Variants in PRKG1 observed in about 807,000 individuals in gnomAD.
PRKG1 encodes cGMP-dependent protein kinase 1.
In PRKG1, 35 loss-of-function variants were observed where a neutral mutation model predicts 88.1. The ratio of observed to expected loss-of-function variants is 0.40; its 90% CI spans 0.30 to 0.53. PRKG1 has a LOEUF of 0.53. Ranked by LOEUF, PRKG1 falls within the 20% of genes least tolerant of loss-of-function variation. The pLI, the probability that PRKG1 is intolerant of heterozygous loss-of-function variation, is 0.59. For synonymous variants in PRKG1, 303 were observed against 292.5 expected, an observed-to-expected ratio of 1.04 and a Z score of -0.37; for missense variants, 540 against 839.8, an observed-to-expected ratio of 0.64 and a Z score of 4.41.
intron 9 of PRKG1, among the ~76,000 whole-genome samples, chr10:52,207,509 A>C (rs1839851648): frequency 6.6e-6 from 1 of 152,166 alleles, no homozygotes; most frequent in Non-Finnish European, 1.5e-5. Context: ...CCAAAGGCTA[A>C]TGCCACCTAG....
intron 5 of PRKG1, among the ~76,000 whole-genome samples, chr10:51,971,941 C>T (rs143969281): frequency 2.6e-5 from 4 of 152,206 alleles, no homozygotes; most frequent in East Asian, 1.9e-4. Context: ...CTAGATATAA[C>T]GCATTTTACC....
At chr10:52,283,105 G>T (rs1330388444) in intron 14 of PRKG1, among the ~76,000 whole-genome samples, 1 of 152,078 alleles carries the variant, frequency 6.6e-6, no homozygotes, top group Non-Finnish European at 1.5e-5. Context: ...TGACGATCAT[G>T]ATTGCTGCAC....
intron 3 of PRKG1, among the ~76,000 whole-genome samples, chr10:51,711,723 A>G (rs960889143): frequency 1.3e-5 from 2 of 152,164 alleles, no homozygotes; most frequent in African/African-American, 4.8e-5. Flanking sequence ...GGAAGCTGTC[A>G]GTGATTGTGG....
chr10:52,254,930 A>G (rs1449245503), intron 10 of PRKG1, among the ~76,000 whole-genome samples: 1 of 152,086 alleles, frequency 6.6e-6, no homozygotes, highest in Non-Finnish European at 1.5e-5. Context: ...CATAACTGAC[A>G]TTCACTTGTT....
At chr10:50,995,558 T>G (rs544598939) in intron 1 of PRKG1, among the ~76,000 whole-genome samples, 1 of 152,352 alleles carries the variant, frequency 6.6e-6, no homozygotes, top group Admixed American at 6.5e-5. Context: ...ACTGTTTTTC[T>G]GCCAAAGAAC....
In PRKG1 at chr10:52,294,020, G is replaced by C; in HGVS notation, c.*120G>C. On this transcript the variant is annotated 3_prime_UTR_variant, in exon 18 of 18. Coordinates refer to ENST00000373980, the MANE Select transcript of PRKG1 (RefSeq NM_006258.4). Reference sequence around the variant, plus strand: ...CGGGGTCACCATGATGCCTTTGATCGATGCTGCTCCAGTAACTACAGTGGC... The same window carrying C: ...CGGGGTCACCATGATGCCTTTGATCCATGCTGCTCCAGTAACTACAGTGGC... 1 of 734,118 alleles carries C rather than the reference G, an allele frequency of 1.4e-6. No homozygotes were observed. The allele number at this position is 734,118 out of a possible 1,614,324, so 45.5% of individuals were successfully genotyped here.
Position 50,991,316 on chromosome 10 carries a change from C to T in PRKG1, c.-63C>T, listed in dbSNP as rs1274274263. 1 of 856,978 alleles carries T rather than the reference C, an allele frequency of 1.2e-6. No homozygotes were observed. Among genetic ancestry groups the T allele is most frequent in the Non-Finnish European group, 1.6e-6 (1 of 635,598 alleles). The allele number at this position is 856,978 out of a possible 1,614,324, so 53.1% of individuals were successfully genotyped here. On this transcript the variant is annotated 5_prime_UTR_variant, in exon 1 of 18. Transcript: ENST00000401604. The surrounding 1 kb of genome is among the most constrained non-coding windows in gnomAD (Gnocchi z 4.5). Reference sequence around the variant, plus strand: ...CGCTGCCGGCTGCCGTCCCAGCCGCCGCCGCCGCCGCCGCCGCCGCCGCCG... The same window carrying T: ...CGCTGCCGGCTGCCGTCCCAGCCGCTGCCGCCGCCGCCGCCGCCGCCGCCG...
At chr10:51,442,232 T>C (rs1453250940) in intron 2 of PRKG1, among the ~76,000 whole-genome samples, 5 of 152,028 alleles carry the variant, frequency 3.3e-5, no homozygotes, top group Non-Finnish European at 7.4e-5. Context: ...ACAATTCTTA[T>C]TTAAGTGCTG....
intron 3 of PRKG1, among the ~76,000 whole-genome samples, chr10:51,754,100 T>G (rs1413699017): frequency 6.6e-6 from 1 of 152,142 alleles, no homozygotes; most frequent in East Asian, 1.9e-4. Flanking sequence ...TGTGGCTGAT[T>G]GACTTTTCTC....
At chr10:51,011,190 A>T (rs558358039) in intron 1 of PRKG1, among the ~76,000 whole-genome samples, 376 of 151,960 alleles carry the variant, frequency 2.5e-3, no homozygotes, top group Non-Finnish European at 4.3e-3. Flanking sequence ...TCAGAGAATT[A>T]TTTGTTGTGT....
At chr10:51,708,959 A>G (rs541538113) in intron 3 of PRKG1, among the ~76,000 whole-genome samples, 2 of 152,270 alleles carry the variant, frequency 1.3e-5, no homozygotes, top group African/African-American at 4.8e-5. Context: ...TTCCAAAAAT[A>G]CTTTGGTGAC....
At chr10:52,188,306 A>G (rs1214853393) in intron 9 of PRKG1, among the ~76,000 whole-genome samples, 14 of 120,730 alleles carry the variant, frequency 1.2e-4, no homozygotes, top group Non-Finnish European at 1.6e-4. Context: ...ATATATGTAT[A>G]TATATACATA....
intron 3 of PRKG1, among the ~76,000 whole-genome samples, chr10:51,768,277 C>T (rs1031072145): frequency 1.3e-5 from 2 of 152,046 alleles, no homozygotes; most frequent in African/African-American, 4.8e-5. Flanking sequence ...ATTTTTATAT[C>T]AGGTTTTTCA....
chr10:52,210,622 AT>A (rs1183392489), intron 9 of PRKG1, among the ~76,000 whole-genome samples: 1 of 152,214 alleles, frequency 6.6e-6, no homozygotes, highest in African/African-American at 2.4e-5. Context: ...TTGGTCTTCT[AT>A]AAACATTTAT....
chr10:51,134,106 A>G (rs996879378), intron 1 of PRKG1, among the ~76,000 whole-genome samples: 2 of 152,232 alleles, frequency 1.3e-5, no homozygotes, highest in Admixed American at 6.5e-5. Flanking sequence ...TGATTCTAAT[A>G]TCCGCCATTA....
At chr10:52,078,024 TCTCA>T (rs1846675326) in intron 7 of PRKG1, among the ~76,000 whole-genome samples, 1 of 152,180 alleles carries the variant, frequency 6.6e-6, no homozygotes, top group Non-Finnish European at 1.5e-5. Context: ...CGACTGCCAC[TCTCA>T]CTGTCTACTC....
chr10:51,138,680 T>TTG (rs1564614776), intron 1 of PRKG1, among the ~76,000 whole-genome samples: 1 of 123,906 alleles, frequency 8.1e-6, no homozygotes, highest in Admixed American at 8.1e-5. Context: ...GTTTTGTTTT[T>TTG]TTTTTTTTTT....
chr10:51,068,216 AG>A (rs1843779088), intron 1 of PRKG1, among the ~76,000 whole-genome samples: 1 of 152,050 alleles, frequency 6.6e-6, no homozygotes, highest in African/African-American at 2.4e-5. Context: ...ATTATAGAAA[AG>A]TCACAATTTG....
intron 1 of PRKG1, among the ~76,000 whole-genome samples, chr10:51,101,048 G>A (rs1295090881): frequency 1.3e-5 from 2 of 152,072 alleles, no homozygotes; most frequent in Non-Finnish European, 2.9e-5. Context: ...TAGGCACTAA[G>A]GAAAGTTGGA....
Sources: gnomAD v4.1 joint callset for allele counts (sites outside exome capture counted in the v4.1 genomes callset) on GRCh38, gnomAD v4.1.1 for gene constraint, Gnocchi (gnomAD v3.1) non-coding constraint, MANE v1.5 for transcripts, NCBI Gene and HGNC (gene_info 2026-07-23, HGNC 2026-07-21) for gene names.